The following FSTL5 variants were observed in gnomAD, a reference collection of about 807,000 sequenced individuals.
FSTL5 encodes follistatin-related protein 5.
Under a neutral mutation model 89.1 loss-of-function variants are expected in FSTL5, and 62 were observed. The ratio of observed to expected loss-of-function variants is 0.70; its 90% CI spans 0.57 to 0.86. The LOEUF is 0.86. FSTL5 is among the 40% of genes least tolerant of loss of function. The pLI, the probability that FSTL5 is intolerant of heterozygous loss-of-function variation, is 0.00. For missense variants in FSTL5, 1,057 were observed against 1,001.6 expected, an observed-to-expected ratio of 1.06 and a Z score of -0.75; for synonymous variants, 383 against 346.2, an observed-to-expected ratio of 1.11 and a Z score of -1.18.
chr4:161,552,491 G>T (rs1218500827), intron 8 of FSTL5: 2 of 151,600 alleles, frequency 1.3e-5, no homozygotes, highest in East Asian at 3.9e-4. Flanking sequence ...CACTTACATG[G>T]TCACTGATAC....
At chr4:161,704,857 C>T (rs945116101) in intron 6 of FSTL5, among the ~76,000 whole-genome samples, 5 of 152,044 alleles carry the variant, frequency 3.3e-5, no homozygotes, top group African/African-American at 1.2e-4. Context: ...CATTACGAGC[C>T]ACTAGAGGTG....
intron 11 of FSTL5, among the ~76,000 whole-genome samples, chr4:161,501,993 C>T (rs1730307756): frequency 6.6e-6 from 1 of 151,926 alleles, no homozygotes; most frequent in African/African-American, 2.4e-5. Flanking sequence ...GTCTGATTTT[C>T]ATTTGTGTCT....
intron 3 of FSTL5, among the ~76,000 whole-genome samples, chr4:161,929,683 G>GTGTGTGTGTGTATA (rs1553983461): frequency 1.2e-4 from 12 of 98,256 alleles, no homozygotes; most frequent in African/African-American, 4.0e-4. Flanking sequence ...GTGTGTGTGT[G>GTGTGTGTGTGTATA]TGTGTGTGTG....
chr4:161,483,273 G>A (rs1729581350), intron 12 of FSTL5, among the ~76,000 whole-genome samples: 1 of 152,238 alleles, frequency 6.6e-6, no homozygotes, highest in African/African-American at 2.4e-5. Context: ...GCATGAAGAA[G>A]TGGGAAAAAA....
At position 161,542,235 on chromosome 4, in the gene FSTL5, C is replaced by A. The variant is rs954074592; in HGVS notation, c.1177+297G>T. On this transcript the variant is annotated intron_variant, in intron 9 of 15. Coordinates refer to ENST00000306100, the MANE Select transcript of FSTL5 (RefSeq NM_020116.5). ...TATAAAAGAATCTAATTATTCTGCT[C>A]AGCATAACTGCTATAATTCACAGGA... Among the ~76,000 whole-genome samples the A allele has an allele frequency of 5.9e-5, 9 of 151,992 alleles. No homozygotes were observed. The East Asian group carries it at 1.7e-3, about 29-fold the overall frequency.
intron 7 of FSTL5, among the ~76,000 whole-genome samples, chr4:161,633,868 T>C (rs969969059): frequency 3.3e-5 from 5 of 152,172 alleles, no homozygotes; most frequent in Admixed American, 6.5e-5. Flanking sequence ...CAAAGTCTTT[T>C]TGAGGAGCAG....
intron 3 of FSTL5, among the ~76,000 whole-genome samples, chr4:161,990,057 G>A: frequency 6.6e-6 from 1 of 152,040 alleles, no homozygotes; most frequent in African/African-American, 2.4e-5. Context: ...AAATAACTTT[G>A]TAAAATCTAT....
At chr4:162,037,294 T>C (rs1432326726) in intron 2 of FSTL5, among the ~76,000 whole-genome samples, 1 of 151,858 alleles carries the variant, frequency 6.6e-6, no homozygotes, top group Non-Finnish European at 1.5e-5. Context: ...GGTTTCTAGG[T>C]TTGATATGAC....
intron 6 of FSTL5, among the ~76,000 whole-genome samples, chr4:161,695,153 A>G (rs1738094143): frequency 6.6e-6 from 1 of 151,974 alleles, no homozygotes; most frequent in Non-Finnish European, 1.5e-5. Flanking sequence ...TGGTGCAGCC[A>G]TCACCCAAGC....
intron 12 of FSTL5, among the ~76,000 whole-genome samples, chr4:161,489,849 A>G (rs930177138): frequency 9.2e-5 from 14 of 152,296 alleles, no homozygotes; most frequent in African/African-American, 2.9e-4. Flanking sequence ...TAAACTTTGA[A>G]AAGAGGGAGT....
In FSTL5 at chr4:161,779,793, A is replaced by ATGTATATATATATG. The variant is rs1560840917; in HGVS notation, c.410-3720_410-3719insCATATATATATACA. Among the ~76,000 whole-genome samples, 274 of 51,704 alleles carry ATGTATATATATATG rather than the reference A, an allele frequency of 5.3e-3. 8 individuals carry two copies. The highest frequency in any genetic ancestry group is 6.9e-3 in the Non-Finnish European group (232 of 33,578). The allele number at this position is 51,704 out of a possible 152,430, so 33.9% of individuals were successfully genotyped here. ...TATATATGTATATATATATATATAT[A>ATGTATATATATATG]TATATATATATATATATGTATATAT... is the stretch of plus-strand genomic sequence containing the variant. On this transcript the variant is annotated intron_variant, in intron 4 of 15. Transcript: ENST00000306100.
chr4:161,600,200 A>ACACACACACACACAC (rs1395832923), intron 7 of FSTL5, among the ~76,000 whole-genome samples: 2 of 89,336 alleles, frequency 2.2e-5, no homozygotes, highest in Non-Finnish European at 5.2e-5. Flanking sequence ...CACACACACA[A>ACACACACACACACAC]ACAGTATGCC....
At chr4:162,005,662 T>G (rs551264941) in intron 3 of FSTL5, among the ~76,000 whole-genome samples, 1 of 152,234 alleles carries the variant, frequency 6.6e-6, no homozygotes, top group Non-Finnish European at 1.5e-5. Context: ...TCTCTTTTGT[T>G]TCCTTTATTC....
At chr4:161,732,839 C>G (rs1343987484) in intron 6 of FSTL5, among the ~76,000 whole-genome samples, 1 of 150,768 alleles carries the variant, frequency 6.6e-6, no homozygotes, top group Non-Finnish European at 1.5e-5. Flanking sequence ...TTAGTCTCTT[C>G]TATTATTCTA....
At chr4:161,437,321 C>T (rs1349600379) in intron 15 of FSTL5, among the ~76,000 whole-genome samples, 6 of 152,002 alleles carry the variant, frequency 3.9e-5, no homozygotes, top group African/African-American at 1.5e-4. Context: ...AATCCCAGCA[C>T]TTTGGGAGGC....
At chr4:162,054,762 CTTTTTCA>C (rs1738484280) in intron 2 of FSTL5, among the ~76,000 whole-genome samples, 1 of 151,692 alleles carries the variant, frequency 6.6e-6, no homozygotes, top group East Asian at 1.9e-4. Context: ...AAAGGAGTAT[CTTTTTCA>C]AGGACCTGGG....
At chr4:161,789,624 G>A (rs151238408) in intron 4 of FSTL5, among the ~76,000 whole-genome samples, 404 of 152,036 alleles carry the variant, frequency 2.7e-3, no homozygotes, top group Admixed American at 5.1e-3. Flanking sequence ...CATCTGCCTC[G>A]TTGCTTTATA....
At chr4:161,853,121 G>A (rs1028021279) in intron 4 of FSTL5, among the ~76,000 whole-genome samples, 1 of 152,138 alleles carries the variant, frequency 6.6e-6, no homozygotes, top group Admixed American at 6.5e-5. Context: ...GAATTACATA[G>A]AAATACTTCA....
At chr4:161,502,226 A>C (rs556046892) in intron 11 of FSTL5, among the ~76,000 whole-genome samples, 6 of 151,932 alleles carry the variant, frequency 3.9e-5, no homozygotes, top group Admixed American at 1.3e-4. Flanking sequence ...CATATTCTAC[A>C]CAGAAAAGAG....
Sources: gnomAD v4.1 joint callset for allele counts (sites outside exome capture counted in the v4.1 genomes callset) on GRCh38, gnomAD v4.1.1 for gene constraint, MANE v1.5 for transcripts, NCBI Gene and HGNC (gene_info 2026-07-23, HGNC 2026-07-21) for gene names.